The following SEC24A variants were observed in gnomAD, a reference collection of about 807,000 sequenced individuals.
The protein encoded by SEC24A is SEC24 homolog A, COPII component, also known as protein transport protein Sec24A.
In SEC24A, 93 loss-of-function variants were observed where a neutral mutation model predicts 129.4. The observed-to-expected ratio is 0.72, with a 90% CI of 0.61 to 0.85. The LOEUF is 0.85. Ranked by LOEUF, SEC24A falls within the 40% of genes least tolerant of loss-of-function variation. The pLI is 0.00. For synonymous variants in SEC24A, 460 were observed against 467.3 expected (o/e 0.98, Z 0.20); for missense variants, 1,264 against 1,307.4 (o/e 0.97, Z 0.51).
At position 134,661,505 on chromosome 5, in the gene SEC24A, T is replaced by C. The variant is rs1221384749; in HGVS notation, c.484T>C (p.Ser162Pro). ...CPRASSQPTV[S>P]GNTSLTTNHQ... ...TCGTGCATCATCCCAACCAACTGTA[T>C]CTGGAAATACAAGTTTAACCACAAA... Residue 162 changes from serine (S) to proline (P), a missense_variant, in exon 2 of 23, where the codon TCT becomes CCT. Coordinates refer to ENST00000398844, the MANE Select transcript of SEC24A (RefSeq NM_021982.3). 2 of 1,614,150 alleles carry C rather than the reference T, an allele frequency of 1.2e-6. No homozygotes were observed. The highest frequency in any genetic ancestry group is 1.7e-6 in the Non-Finnish European group (2 of 1,180,008).
At chr5:134,674,972 T>A in intron 5 of SEC24A, 73 bp from the exon 6 acceptor site, 1 of 1,320,866 alleles carries the variant, frequency 7.6e-7, no homozygotes. Context: ...ACACTTTTGT[T>A]ATTTACAGAG....
intron 21 of SEC24A, among the ~76,000 whole-genome samples, chr5:134,723,324 G>A (rs1301739813): frequency 6.6e-6 from 1 of 152,042 alleles, no homozygotes; most frequent in Non-Finnish European, 1.5e-5. Flanking sequence ...AATTAGCCAG[G>A]CATGGTGGCA....
intron 3 of SEC24A, among the ~76,000 whole-genome samples, chr5:134,670,072 A>G (rs1750804513): frequency 6.6e-6 from 1 of 152,126 alleles, no homozygotes; most frequent in Non-Finnish European, 1.5e-5. Flanking sequence ...GATTACAGGC[A>G]TGTGCCACCA....
At chr5:134,676,202 C>T (rs1395319532) in intron 7 of SEC24A, 77 bp downstream of exon 7, 2 of 1,022,230 alleles carry the variant, frequency 2.0e-6, no homozygotes, top group Non-Finnish European at 2.9e-6. Flanking sequence ...TGCAGTGACG[C>T]AGTCTCAGCT....
intron 11 of SEC24A, among the ~76,000 whole-genome samples, chr5:134,689,426 A>G (rs1307288391): frequency 6.6e-6 from 1 of 152,204 alleles, no homozygotes; most frequent in Non-Finnish European, 1.5e-5. Flanking sequence ...GAAACACCCC[A>G]AGTAGCCATC....
Position 134,649,215 on chromosome 5 carries a change from G to T in SEC24A, c.97+42G>T. 2.1e-6 allele frequency: 3 copies of T among 1,430,442 alleles called. No individual in the cohort carries two copies. In the South Asian group the frequency reaches 3.7e-5, roughly 17 times the overall value. The allele number at this position is 1,430,442 out of a possible 1,614,324, so 88.6% of individuals were successfully genotyped here. On this transcript the variant is annotated intron_variant, in intron 1 of 22. Transcript: ENST00000398844. ...GGGAGGGCGCAGCCTGGCCAGGGCT[G>T]ACTGACCTTTGCGTGCCACTGCTGC...
chr5:134,711,009 A>G (rs1323074770), intron 18 of SEC24A, among the ~76,000 whole-genome samples: 1 of 151,962 alleles, frequency 6.6e-6, no homozygotes, highest in Non-Finnish European at 1.5e-5. Context: ...GGTGGCACAT[A>G]CCTGTAGTCA....
chr5:134,704,999 A>T lies in SEC24A; in HGVS notation c.2441-328A>T, dbSNP rs562897398. ...GTGTCTGGCCAGTATAAAACGTTTG[A>T]TACTGTCTCTGCTTACTATGTAACT... On this transcript the variant is annotated intron_variant, in intron 16 of 22. Transcript: ENST00000398844. Among the ~76,000 whole-genome samples the T allele has an allele frequency of 1.4e-3, 212 of 150,196 alleles. 1 individual carries two copies. The highest frequency in any genetic ancestry group is 4.9e-3 in the African/African-American group (201 of 40,998).
chr5:134,693,511 G>T, intron 12 of SEC24A: 1 of 1,419,254 alleles, frequency 7.0e-7, no homozygotes, highest in Non-Finnish European at 9.2e-7. Flanking sequence ...GCATGTGCAA[G>T]AACTGTAAGG....
At chr5:134,696,162 C>T (rs1561822489) in intron 13 of SEC24A, among the ~76,000 whole-genome samples, 1 of 150,170 alleles carries the variant, frequency 6.7e-6, no homozygotes, top group Admixed American at 6.7e-5. Flanking sequence ...CCCAGCTACT[C>T]GGGAGGCTGA....
rs371064510 is a variant in SEC24A at position 134,692,669 on chromosome 5, T to C, written c.1779+12T>C. On this transcript the variant is annotated intron_variant, in intron 12 of 22. Coordinates refer to ENST00000398844, the MANE Select transcript of SEC24A (RefSeq NM_021982.3). ...ATGAAAGTAAAGAGGTAAGGCACATTTTCCTACCTGACATGTTTAATTGAA... is the reference window on the plus strand; with the variant it reads ...ATGAAAGTAAAGAGGTAAGGCACATCTTCCTACCTGACATGTTTAATTGAA... 20 of 1,398,780 alleles carry C rather than the reference T, an allele frequency of 1.4e-5. No homozygotes were observed. The African/African-American group carries it at 2.7e-4, about 19-fold the overall frequency. The allele number at this position is 1,398,780 out of a possible 1,614,324, so 86.6% of individuals were successfully genotyped here.
At chr5:134,714,012 A>C (rs1752407249) in intron 18 of SEC24A, among the ~76,000 whole-genome samples, 1 of 151,850 alleles carries the variant, frequency 6.6e-6, no homozygotes, top group African/African-American at 2.4e-5. Flanking sequence ...ACTACACTCC[A>C]GCCTTGGCGA....
intron 3 of SEC24A, among the ~76,000 whole-genome samples, chr5:134,670,078 C>T (rs1429341280): frequency 6.6e-6 from 1 of 152,110 alleles, no homozygotes; most frequent in Non-Finnish European, 1.5e-5. Flanking sequence ...AGGCATGTGC[C>T]ACCACAACCA....
At chr5:134,674,990 C>A in intron 5 of SEC24A, 55 bp from the exon 6 acceptor site, 2 of 1,397,460 alleles carry the variant, frequency 1.4e-6, no homozygotes, top group Non-Finnish European at 1.9e-6. Context: ...GAGAAATTAA[C>A]CACTTCCCTA....
chr5:134,656,846 ATGATAGCTCACTGCAGCCTTGAACTCCTG>A (rs1446802659), intron 1 of SEC24A, among the ~76,000 whole-genome samples: 2 of 150,340 alleles, frequency 1.3e-5, no homozygotes, highest in Non-Finnish European at 3.0e-5. Context: ...CAATGATGCA[ATGATAGCTCACTGCAGCCTTGAACTCCTG>A]GGCTCAAGTA....
At chr5:134,717,600 A>G (rs1460921629) in intron 19 of SEC24A, among the ~76,000 whole-genome samples, 1 of 151,974 alleles carries the variant, frequency 6.6e-6, no homozygotes, top group Non-Finnish European at 1.5e-5. Context: ...AGTGATAACT[A>G]TTTCGTCATC....
chr5:134,652,943 C>T (rs1430095938), intron 1 of SEC24A, among the ~76,000 whole-genome samples: 17 of 151,508 alleles, frequency 1.1e-4, no homozygotes, highest in Non-Finnish European at 1.9e-4. Context: ...AATAGGTGCC[C>T]GCCACCACAC....
At chr5:134,709,890 G>A (rs988853691) in intron 18 of SEC24A, among the ~76,000 whole-genome samples, 1 of 151,624 alleles carries the variant, frequency 6.6e-6, no homozygotes, top group Non-Finnish European at 1.5e-5. Context: ...CAGAATTTCA[G>A]CAACATTACA....
At chr5:134,718,402 AT>A (rs200655017) in intron 20 of SEC24A, among the ~76,000 whole-genome samples, 4 of 151,372 alleles carry the variant, frequency 2.6e-5, no homozygotes, top group Admixed American at 1.3e-4. Flanking sequence ...TTACTATGCT[AT>A]TTTTTTTTAT....
Sources: allele counts gnomAD v4.1 joint callset (sites outside exome capture counted in the v4.1 genomes callset), GRCh38; gene constraint gnomAD v4.1.1; transcripts MANE v1.5; gene names NCBI Gene and HGNC (gene_info 2026-07-23, HGNC 2026-07-21).